Variants in TRAPPC11 observed in about 807,000 individuals in gnomAD.
TRAPPC11 encodes the protein foie gras homolog.
A neutral mutation model predicts 151.2 loss-of-function variants in TRAPPC11; 104 were observed. The observed-to-expected ratio is 0.69, with a 90% CI of 0.59 to 0.81. The LOEUF (loss-of-function observed/expected upper bound fraction) is 0.81. TRAPPC11 is among the 30% of genes least tolerant of loss of function. TRAPPC11 has a pLI of 0.00. For synonymous variants in TRAPPC11, 456 were observed against 472.3 expected, an observed-to-expected ratio of 0.97 and a Z score of 0.45; for missense variants, 1,230 against 1,349.6, an observed-to-expected ratio of 0.91 and a Z score of 1.39.
rs144694278 is a variant in TRAPPC11 at position 183,694,075 on chromosome 4, T to TTA, written c.2508+38_2508+39dup. On this transcript the variant is annotated intron_variant, in intron 22 of 29. Transcript: ENST00000334690. The stretch of plus-strand genomic sequence containing the variant: ...CAACTGGGATTGAAGAGGAAATCAA[T>TTA]TAGTTTGTAGTTTTAAATATATAGT... 1.2e-3 allele frequency: 1,992 copies of TTA among 1,605,844 alleles called. 19 individuals carry two copies. The African/African-American group carries it at 0.023, about 19-fold the overall frequency.
At chr4:183,671,372 T>A (rs1406792987) in intron 5 of TRAPPC11, among the ~76,000 whole-genome samples, 1 of 152,108 alleles carries the variant, frequency 6.6e-6, no homozygotes, top group Non-Finnish European at 1.5e-5. Flanking sequence ...TGAAGCAGTG[T>A]TTCACTCTCC....
intron 18 of TRAPPC11, among the ~76,000 whole-genome samples, chr4:183,687,850 C>T (rs1241034214): frequency 6.6e-6 from 1 of 152,054 alleles, no homozygotes; most frequent in African/African-American, 2.4e-5. Flanking sequence ...CTCCATTCTC[C>T]CACACACCCT....
intron 2 of TRAPPC11, among the ~76,000 whole-genome samples, chr4:183,664,468 C>T (rs1734739235): frequency 6.6e-6 from 1 of 151,968 alleles, no homozygotes; most frequent in South Asian, 2.1e-4. Context: ...GTGATAGGTA[C>T]CTGGAACCAT....
At chr4:183,662,402 G>T (rs1337435339) in intron 1 of TRAPPC11, among the ~76,000 whole-genome samples, 1 of 148,180 alleles carries the variant, frequency 6.7e-6, no homozygotes, top group Admixed American at 6.7e-5. Flanking sequence ...CCTTTTGCAA[G>T]TAAGATTATA....
intron 5 of TRAPPC11, among the ~76,000 whole-genome samples, chr4:183,672,427 A>T (rs1364051225): frequency 6.6e-6 from 1 of 152,224 alleles, no homozygotes; most frequent in Non-Finnish European, 1.5e-5. Flanking sequence ...GTTGCCTTAA[A>T]AGTGTAATGT....
chr4:183,684,965 C>A, intron 15 of TRAPPC11, 119 bp from the exon 16 acceptor site: 1 of 1,292,932 alleles, frequency 7.7e-7, no homozygotes, highest in Non-Finnish European at 1.1e-6. Context: ...GTGCAAATCA[C>A]TGTGCTTAGT....
intron 5 of TRAPPC11, 32 bp from the exon 6 acceptor site, chr4:183,674,681 T>C (rs1735323051): frequency 7.8e-7 from 1 of 1,288,788 alleles, no homozygotes; most frequent in Non-Finnish European, 1.1e-6. Flanking sequence ...TAATTCAATA[T>C]GTAAATGCTT....
chr4:183,669,091 A>G (rs1351786883), intron 5 of TRAPPC11, among the ~76,000 whole-genome samples: 1 of 152,184 alleles, frequency 6.6e-6, no homozygotes, highest in Non-Finnish European at 1.5e-5. Flanking sequence ...ATGCAGAGGA[A>G]TAGGATCAAA....
chr4:183,693,239 T>C, intron 20 of TRAPPC11, 92 bp downstream of exon 20: 1 of 1,214,660 alleles, frequency 8.2e-7, no homozygotes. Flanking sequence ...TTGTCCAGGC[T>C]GGAGTGCAGT....
chr4:183,679,930 T>G (rs1195742187), intron 9 of TRAPPC11, among the ~76,000 whole-genome samples, 190 bp from the exon 10 acceptor site: 3 of 152,212 alleles, frequency 2.0e-5, no homozygotes, highest in African/African-American at 7.2e-5. Context: ...GACTTAAATA[T>G]AGAACCTATC....
At chr4:183,676,468 A>T (rs1374709876) in intron 7 of TRAPPC11, among the ~76,000 whole-genome samples, 1 of 152,108 alleles carries the variant, frequency 6.6e-6, no homozygotes, top group Non-Finnish European at 1.5e-5. Flanking sequence ...ATTTTTATCG[A>T]TGGTATTAGT....
At chr4:183,691,850 T>C (rs953446737) in intron 19 of TRAPPC11, among the ~76,000 whole-genome samples, 1 of 152,210 alleles carries the variant, frequency 6.6e-6, no homozygotes, top group African/African-American at 2.4e-5. Flanking sequence ...ATATATTTTT[T>C]ATGTTATTCA....
intron 5 of TRAPPC11, among the ~76,000 whole-genome samples, chr4:183,671,303 G>A (rs1228809214): frequency 1.3e-5 from 2 of 152,112 alleles, no homozygotes; most frequent in Non-Finnish European, 2.9e-5. Flanking sequence ...TCTGATCTTC[G>A]TCTTTCCATA....
intron 5 of TRAPPC11, among the ~76,000 whole-genome samples, chr4:183,670,766 C>T (rs1459295771): frequency 3.3e-5 from 5 of 151,960 alleles, no homozygotes; most frequent in African/African-American, 4.8e-5. Context: ...CCACCACACC[C>T]GGCTAATTTG....
intron 7 of TRAPPC11, among the ~76,000 whole-genome samples, 162 bp from the exon 8 acceptor site, chr4:183,677,296 T>A (rs1735461988): frequency 1.3e-5 from 2 of 151,976 alleles, no homozygotes; most frequent in Middle Eastern, 6.8e-3. Flanking sequence ...CTCTCATATA[T>A]TTAATAACTA....
intron 11 of TRAPPC11, 93 bp from the exon 12 acceptor site, chr4:183,683,879 TAAA>T: frequency 1.0e-6 from 1 of 961,202 alleles, no homozygotes; most frequent in East Asian, 2.5e-5. Flanking sequence ...ATGATTATAT[TAAA>T]TAAAGGTTTC....
chr4:183,690,780 C>T (rs996775041), intron 18 of TRAPPC11, among the ~76,000 whole-genome samples: 1 of 152,102 alleles, frequency 6.6e-6, no homozygotes. Context: ...CCAGCTTGGG[C>T]AACGTAGTGA....
Position 183,692,992 on chromosome 4 carries a change from G to T in TRAPPC11, c.2082G>T (p.Glu694Asp), listed in dbSNP as rs1736331527. Residue 694 changes from glutamate (E) to aspartate (D), a missense_variant, in exon 20 of 30, where the codon GAG becomes GAT. Glu to Asp is a conservative substitution (Grantham distance 45). Coordinates refer to ENST00000334690, the MANE Select transcript of TRAPPC11 (RefSeq NM_021942.6). The stretch of plus-strand genomic sequence containing the variant: ...CAGTGGATCTTGCTCTGGGCAATGA[G>T]ACGGGAAGATGTGTGGTTTTAAATT... ...ITSVDLALGN[E>D]TGRCVVLNWQ... is the part of the protein sequence containing the mutation. 1 of 1,612,936 alleles carries T rather than the reference G, an allele frequency of 6.2e-7. No individual in the cohort carries two copies.
chr4:183,661,657 C>T (rs1240174441), intron 1 of TRAPPC11, among the ~76,000 whole-genome samples: 4 of 151,962 alleles, frequency 2.6e-5, no homozygotes, highest in African/African-American at 7.2e-5. Context: ...AGGCGTGAGC[C>T]ACCGCGCCCG....
Sources: gnomAD v4.1 joint callset for allele counts (sites outside exome capture counted in the v4.1 genomes callset) on GRCh38, gnomAD v4.1.1 for gene constraint, MANE v1.5 for transcripts, NCBI Gene and HGNC (gene_info 2026-07-23, HGNC 2026-07-21) for gene names.